Variants in CCND2 observed in about 807,000 individuals in gnomAD.
The protein encoded by CCND2 is G1/S-specific cyclin-D2.
A neutral mutation model predicts 30.2 loss-of-function variants in CCND2; 6 were observed. That is an observed-to-expected ratio of 0.20 (90% CI 0.11 to 0.39). The LOEUF is 0.39. Among genes scored for constraint, CCND2 ranks in the 10% least tolerant of loss-of-function variants. The pLI is 1.00. For missense variants in CCND2, 235 were observed against 373.4 expected, an observed-to-expected ratio of 0.63 and a Z score of 3.06; for synonymous variants, 150 against 153.1, an observed-to-expected ratio of 0.98 and a Z score of 0.15.
chr12:4,295,964 A>C (rs1864163247), intron 4 of CCND2, among the ~76,000 whole-genome samples: 1 of 152,222 alleles, frequency 6.6e-6, no homozygotes, highest in Admixed American at 6.5e-5. Context: ...ATGTCACCTC[A>C]AGTCCCGTGG....
intron 3 of CCND2, among the ~76,000 whole-genome samples, chr12:4,286,900 C>T (rs1229528496): frequency 6.6e-6 from 1 of 152,246 alleles, no homozygotes; most frequent in East Asian, 1.9e-4. Flanking sequence ...TCTTCCCTGG[C>T]AGATGCTCCC....
rs530535272 is a variant in CCND2 at position 4,277,330 on chromosome 12, G to T, written c.411+1110G>T. On this transcript the variant is annotated intron_variant, in intron 2 of 4. Transcript: ENST00000261254. The stretch of plus-strand genomic sequence containing the variant: ...ACTCGCATTACCCTGTGAAGAGGAA[G>T]GGCTGGCATTTCAAGCCATCTTTGA... Among the ~76,000 whole-genome samples, 9 of 152,312 alleles carry T rather than the reference G, an allele frequency of 5.9e-5. No individual in the cohort carries two copies. In the East Asian group the frequency reaches 1.2e-3, roughly 20 times the overall value.
Position 4,276,322 on chromosome 12 carries a change from C to T in CCND2, c.411+102C>T. 2 of 896,822 alleles carry T rather than the reference C, an allele frequency of 2.2e-6. No individual in the cohort carries two copies. Among genetic ancestry groups the T allele is most frequent in the Non-Finnish European group, 3.4e-6 (2 of 580,296 alleles). The allele number at this position is 896,822 out of a possible 1,614,324, so 55.6% of individuals were successfully genotyped here. ...ACTGCCAGAGCAAATTCTTGGGATC[C>T]AGAATGACCCCACCAATAGAATTTA... On this transcript the variant is annotated intron_variant, in intron 2 of 4. Transcript: ENST00000261254. This position sits in a 1 kb window ranked among gnomAD's most constrained non-coding sequence, Gnocchi z 4.8.
chr12:4,279,717 T>A (rs931422108), intron 3 of CCND2, among the ~76,000 whole-genome samples: 2 of 151,006 alleles, frequency 1.3e-5, no homozygotes, highest in Admixed American at 6.6e-5. Context: ...TGTCTACTGG[T>A]TTTTTGTTTT....
intron 4 of CCND2, among the ~76,000 whole-genome samples, chr12:4,291,185 G>A (rs1036013843): frequency 5.0e-5 from 7 of 141,216 alleles, no homozygotes; most frequent in African/African-American, 7.8e-5. Flanking sequence ...TAGTGGAAAG[G>A]TTCAAGCAGC....
At chr12:4,275,039 T>A (rs1327767687) in intron 1 of CCND2, 1 of 152,150 alleles carries the variant, frequency 6.6e-6, no homozygotes, top group Non-Finnish European at 1.5e-5. Context: ...TTTTCCAGCT[T>A]CCTCGGTGCG....
Position 4,287,024 on chromosome 12 carries a change from T to C in CCND2, c.572-1818T>C, listed in dbSNP as rs139356090. Among the ~76,000 whole-genome samples the C allele has an allele frequency of 6.9e-4, 105 of 152,238 alleles. No homozygotes were observed. The highest frequency in any genetic ancestry group is 2.5e-3 in the African/African-American group (102 of 41,542). On this transcript the variant is annotated intron_variant, in intron 3 of 4. Transcript: ENST00000261254. This position sits in a 1 kb window ranked among gnomAD's most constrained non-coding sequence, Gnocchi z 4.0. ...CAGAGAAACACTCTCCTGTGACCCA[T>C]GTGGAAGAGACCTACAGCAGAGCAA...
chr12:4,292,489 C>T lies in CCND2; in HGVS notation c.720+3499C>T, dbSNP rs996391563. On this transcript the variant is annotated intron_variant, in intron 4 of 4. Coordinates refer to ENST00000261254, the MANE Select transcript of CCND2 (RefSeq NM_001759.4). ...CTGTGGAAAGAGGGTCCCCCTGATT[C>T]TTGTGAGATGGCCAGGCGAGTCTCT... 2.0e-4 allele frequency among the ~76,000 whole-genome samples: 30 copies of T among 151,928 alleles called. 1 individual carries two copies. Among genetic ancestry groups the T allele is most frequent in the African/African-American group, 6.3e-4 (26 of 41,336 alleles).
chr12:4,279,220 A>T (rs773791845), intron 3 of CCND2, among the ~76,000 whole-genome samples: 1 of 152,224 alleles, frequency 6.6e-6, no homozygotes, highest in Non-Finnish European at 1.5e-5. Flanking sequence ...TGAAGATTAC[A>T]TATACTGCTC....
chr12:4,279,141 A>G (rs1407094897), intron 3 of CCND2, among the ~76,000 whole-genome samples: 1 of 152,230 alleles, frequency 6.6e-6, no homozygotes, highest in East Asian at 1.9e-4. Flanking sequence ...GTTTATGAGG[A>G]CAGGTGTGGT....
rs184599868 is a variant in CCND2 at position 4,294,492 on chromosome 12, C to T, written c.721-5368C>T. Among the ~76,000 whole-genome samples the T allele has an allele frequency of 2.6e-3, 395 of 152,280 alleles. 1 individual carries two copies. The highest frequency in any genetic ancestry group is 4.0e-3 in the Non-Finnish European group (270 of 68,032). ...TCCTAGAGCCGCCACACTTGACATG[C>T]GTGTAACACCTTTTGATTAGAGGCG... On this transcript the variant is annotated intron_variant, in intron 4 of 4. Coordinates refer to ENST00000261254, the MANE Select transcript of CCND2 (RefSeq NM_001759.4).
chr12:4,299,779 T>TA lies in CCND2; in HGVS notation c.721-78dup. ...GAAACTAGCACAGACTTATGCAAGCTAAATTACGCATGTTTTCTCCGTAGG... is the reference window on the plus strand; with the variant it reads ...GAAACTAGCACAGACTTATGCAAGCTAAAATTACGCATGTTTTCTCCGTAGG... On this transcript the variant is annotated intron_variant, in intron 4 of 4. Coordinates refer to ENST00000261254, the MANE Select transcript of CCND2 (RefSeq NM_001759.4). This position sits in a 1 kb window ranked among gnomAD's most constrained non-coding sequence, Gnocchi z 5.2. The TA allele has an allele frequency of 7.4e-7, 1 of 1,357,330 alleles. No homozygotes were observed. Among genetic ancestry groups the TA allele is most frequent in the Non-Finnish European group, 1.0e-6 (1 of 978,920 alleles). The allele number at this position is 1,357,330 out of a possible 1,614,324, so 84.1% of individuals were successfully genotyped here. A position where few individuals can be genotyped will look rare whatever the true frequency, so the allele number is the denominator to read the frequency against.
rs758596420 is a variant in CCND2, at chr12:4,274,283, C to T, written c.195+48C>T. On this transcript the variant is annotated intron_variant, in intron 1 of 4. Coordinates refer to ENST00000261254, the MANE Select transcript of CCND2 (RefSeq NM_001759.4). This position sits in a 1 kb window ranked among gnomAD's most constrained non-coding sequence, Gnocchi z 7.7. ...CCAGGAGCCAGGACCCCTCCGGATG[C>T]TCGGGTCCCCGGCCGGAGCCCTAAA... 1.3e-5 allele frequency: 21 copies of T among 1,586,606 alleles called. No individual in the cohort carries two copies. The South Asian group carries it at 2.3e-4, about 18-fold the overall frequency.
In CCND2 at chr12:4,294,387, A is replaced by G. The variant is rs3217888; in HGVS notation, c.720+5397A>G. On this transcript the variant is annotated intron_variant, in intron 4 of 4. Coordinates refer to ENST00000261254, the MANE Select transcript of CCND2 (RefSeq NM_001759.4). ...CTGTCCAGGCTGACAGACGAGCATT[A>G]TGGCTTCCCTTTTAATCAGCTTAAT... 8.9e-4 allele frequency among the ~76,000 whole-genome samples: 136 copies of G among 152,202 alleles called. 2 individuals carry two copies. Among genetic ancestry groups the G allele is most frequent in the Middle Eastern group, 3.4e-3 (1 of 294 alleles).
rs1864250682 is a variant in CCND2, at chr12:4,301,629, G to A, written c.*1620G>A. On this transcript the variant is annotated 3_prime_UTR_variant, in exon 5 of 5. Coordinates refer to ENST00000261254, the MANE Select transcript of CCND2 (RefSeq NM_001759.4). ...CTTGTTTCATAGTATGAGGGTTGAA[G>A]ACGGAAAACAATCTAAGGGTCTCTC... The A allele has an allele frequency of 4.3e-6, 1 of 230,776 alleles. No individual in the cohort carries two copies. Among genetic ancestry groups the A allele is most frequent in the African/African-American group, 2.2e-5 (1 of 44,890 alleles). The allele number at this position is 230,776 out of a possible 1,614,324, so 14.3% of individuals were successfully genotyped here.
chr12:4,277,303 G>A (rs932379067), intron 2 of CCND2, among the ~76,000 whole-genome samples: 1 of 152,174 alleles, frequency 6.6e-6, no homozygotes, highest in African/African-American at 2.4e-5. Context: ...CCAGTGGTTC[G>A]TACTCGCATT....
chr12:4,280,464 C>G (rs989353029), intron 3 of CCND2, among the ~76,000 whole-genome samples: 1 of 152,270 alleles, frequency 6.6e-6, no homozygotes, highest in African/African-American at 2.4e-5. Context: ...ATGGCGTGCA[C>G]ATGCGCCCTG....
At chr12:4,294,180 G>A (rs973812875) in intron 4 of CCND2, among the ~76,000 whole-genome samples, 3 of 151,862 alleles carry the variant, frequency 2.0e-5, no homozygotes, top group Admixed American at 6.6e-5. Flanking sequence ...TGCAGGGCGC[G>A]GAGCTCGAGC....
intron 3 of CCND2, 96 bp downstream of exon 3, chr12:4,279,015 C>T (rs1591644950): frequency 1.5e-6 from 2 of 1,319,082 alleles, no homozygotes; most frequent in Non-Finnish European, 2.1e-6. Flanking sequence ...CATTTTAGTT[C>T]AGGAGTTTGG....
Sources: gnomAD v4.1 joint callset for allele counts (sites outside exome capture counted in the v4.1 genomes callset) on GRCh38, gnomAD v4.1.1 for gene constraint, Gnocchi (gnomAD v3.1) non-coding constraint, MANE v1.5 for transcripts, NCBI Gene and HGNC (gene_info 2026-07-23, HGNC 2026-07-21) for gene names.